Variants in DGKI observed in about 807,000 individuals in gnomAD.
DGKI encodes the protein DAG kinase iota.
A neutral mutation model predicts 147.5 loss-of-function variants in DGKI; 55 were observed. The observed-to-expected ratio is 0.37, with a 90% CI of 0.30 to 0.47. DGKI has a LOEUF of 0.47. DGKI is among the 20% of genes least tolerant of loss of function. The probability of loss-of-function intolerance (pLI) is 1.00; values close to 1 mark genes in which losing one functional copy is unlikely to be tolerated. For missense variants in DGKI, 1,007 were observed against 1,323.8 expected, an observed-to-expected ratio of 0.76 and a Z score of 3.71; for synonymous variants, 469 against 477.1, an observed-to-expected ratio of 0.98 and a Z score of 0.22.
intron 20 of DGKI, among the ~76,000 whole-genome samples, chr7:137,523,753 G>A (rs1817047218): frequency 1.3e-5 from 2 of 152,132 alleles, no homozygotes; most frequent in South Asian, 4.1e-4. Context: ...GTTGTGATTG[G>A]AGATACAGCT....
intron 21 of DGKI, among the ~76,000 whole-genome samples, chr7:137,504,822 G>A (rs1472902688): frequency 6.6e-6 from 1 of 152,022 alleles, no homozygotes; most frequent in Non-Finnish European, 1.5e-5. Flanking sequence ...GTATGGCAAT[G>A]ACATTTTAGA....
intron 1 of DGKI, among the ~76,000 whole-genome samples, chr7:137,822,999 T>C (rs914228188): frequency 6.7e-6 from 1 of 150,270 alleles, no homozygotes; most frequent in African/African-American, 2.5e-5. Context: ...GGCTATTTAA[T>C]ATAAATTCCA....
At chr7:137,822,760 A>G (rs1183340654) in intron 1 of DGKI, among the ~76,000 whole-genome samples, 2 of 152,034 alleles carry the variant, frequency 1.3e-5, no homozygotes, top group African/African-American at 4.8e-5. Flanking sequence ...AATACCCTCA[A>G]TGAATAAAAG....
At chr7:137,458,714 A>C (rs1208930611) in intron 27 of DGKI, among the ~76,000 whole-genome samples, 1 of 152,132 alleles carries the variant, frequency 6.6e-6, no homozygotes, top group African/African-American at 2.4e-5. Context: ...TCTTCCTTAC[A>C]ACTCAAATAG....
intron 21 of DGKI, among the ~76,000 whole-genome samples, chr7:137,507,053 AG>A (rs1010523454): frequency 6.6e-6 from 1 of 152,332 alleles, no homozygotes; most frequent in African/African-American, 2.4e-5. Flanking sequence ...TGTGGGTCAC[AG>A]GTCCATTTTA....
chr7:137,709,881 A>ACTT (rs1159625522), intron 1 of DGKI, among the ~76,000 whole-genome samples: 1 of 152,110 alleles, frequency 6.6e-6, no homozygotes, highest in Non-Finnish European at 1.5e-5. Flanking sequence ...ATGAATAAAT[A>ACTT]CTTTAAAAAG....
At chr7:137,692,971 C>T (rs569067228) in intron 1 of DGKI, among the ~76,000 whole-genome samples, 6 of 152,178 alleles carry the variant, frequency 3.9e-5, no homozygotes, top group East Asian at 1.9e-4. Context: ...ACAGGGTGTA[C>T]GAAATAACTT....
At chr7:137,623,376 C>T (rs971994766) in intron 7 of DGKI, 107 bp downstream of exon 7, 14 of 1,043,030 alleles carry the variant, frequency 1.3e-5, no homozygotes, top group South Asian at 2.6e-5. Flanking sequence ...AAAAGCAATA[C>T]ATTAAATTAG....
At chr7:137,636,900 C>G (rs939844051) in intron 6 of DGKI, among the ~76,000 whole-genome samples, 1 of 152,184 alleles carries the variant, frequency 6.6e-6, no homozygotes, top group Non-Finnish European at 1.5e-5. Flanking sequence ...CTTCCCCCTG[C>G]ACCACGAGCA....
At chr7:137,433,948 T>A (rs1253049293) in intron 28 of DGKI, among the ~76,000 whole-genome samples, 3 of 151,888 alleles carry the variant, frequency 2.0e-5, no homozygotes, top group Non-Finnish European at 4.4e-5. Flanking sequence ...TGAAACATCA[T>A]CTCTAGTAAA....
intron 27 of DGKI, among the ~76,000 whole-genome samples, chr7:137,448,427 G>A (rs181988006): frequency 1.4e-5 from 2 of 147,590 alleles, no homozygotes; most frequent in Non-Finnish European, 3.0e-5. Flanking sequence ...ACACTAAAAA[G>A]ATGATGGCAT....
intron 1 of DGKI, among the ~76,000 whole-genome samples, chr7:137,840,050 C>T (rs1057002067): frequency 2.6e-5 from 4 of 152,204 alleles, no homozygotes; most frequent in African/African-American, 9.6e-5. Flanking sequence ...AATATGCACA[C>T]ACAAGATGAT....
At chr7:137,816,389 G>T (rs1334592736) in intron 1 of DGKI, among the ~76,000 whole-genome samples, 1 of 152,172 alleles carries the variant, frequency 6.6e-6, no homozygotes, top group East Asian at 1.9e-4. Context: ...TTGTTTTGGG[G>T]ATTGAGTTAA....
intron 3 of DGKI, among the ~76,000 whole-genome samples, chr7:137,663,973 A>T (rs1822538282): frequency 1.3e-5 from 2 of 152,212 alleles, no homozygotes; most frequent in Non-Finnish European, 2.9e-5. Context: ...ATTAGGAGAC[A>T]AAACCCCCAC....
At chr7:137,807,602 T>G (rs906436758) in intron 1 of DGKI, among the ~76,000 whole-genome samples, 4 of 152,184 alleles carry the variant, frequency 2.6e-5, no homozygotes, top group African/African-American at 7.2e-5. Flanking sequence ...CCTGTTAAAA[T>G]GCAGATTATA....
chr7:137,773,978 C>G (rs1051310835), intron 1 of DGKI, among the ~76,000 whole-genome samples: 1 of 152,168 alleles, frequency 6.6e-6, no homozygotes, highest in African/African-American at 2.4e-5. Context: ...TGAGAAAAAT[C>G]ATGTATCTAA....
At chr7:137,763,893 G>A (rs1795931386) in intron 1 of DGKI, among the ~76,000 whole-genome samples, 1 of 152,216 alleles carries the variant, frequency 6.6e-6, no homozygotes, top group Admixed American at 6.5e-5. Flanking sequence ...AAAGCATGCT[G>A]TAATACTTCT....
Position 137,386,033 on chromosome 7 carries a change from G to T in DGKI, c.*5187C>A, listed in dbSNP as rs988034748. On this transcript the variant is annotated 3_prime_UTR_variant, in exon 33 of 33. Coordinates refer to ENST00000614521, the MANE Select transcript of DGKI (RefSeq NM_001321708.2). The stretch of plus-strand genomic sequence containing the variant: ...ATACATGCACTTATGATTGATTCAT[G>T]GACATATGATTACATGCATAACTGA... 6.6e-6 allele frequency: 1 copy of T among 152,166 alleles called. No individual in the cohort carries two copies. The highest frequency in any genetic ancestry group is 2.1e-4 in the South Asian group (1 of 4,820). 9.4% of individuals were successfully genotyped at this position (152,166 alleles called of 1,614,324 possible).
intron 3 of DGKI, among the ~76,000 whole-genome samples, chr7:137,663,834 C>T (rs1822533173): frequency 6.6e-6 from 1 of 152,098 alleles, no homozygotes; most frequent in Non-Finnish European, 1.5e-5. Flanking sequence ...GAACCAAGAA[C>T]ACTGCCTGAC....
Sources: gnomAD v4.1 joint callset for allele counts (sites outside exome capture counted in the v4.1 genomes callset) on GRCh38, gnomAD v4.1.1 for gene constraint, MANE v1.5 for transcripts, NCBI Gene and HGNC (gene_info 2026-07-23, HGNC 2026-07-21) for gene names.